The following CPQ variants were observed in gnomAD, a reference collection of about 807,000 sequenced individuals.
The protein encoded by CPQ is Ser-Met dipeptidase.
A neutral mutation model predicts 45.7 loss-of-function variants in CPQ; 37 were observed. The observed-to-expected ratio is 0.81, with a 90% CI of 0.62 to 1.07. The LOEUF (loss-of-function observed/expected upper bound fraction) is 1.07. CPQ is among the 50% of genes least tolerant of loss of function. The probability of loss-of-function intolerance (pLI) is 0.00; values close to 1 mark genes in which losing one functional copy is unlikely to be tolerated. For synonymous variants in CPQ, 186 were observed against 205.8 expected (o/e 0.90, Z 0.82); for missense variants, 537 against 572.9 (o/e 0.94, Z 0.64).
At chr8:96,885,266 A>G (rs1812285864) in intron 4 of CPQ, among the ~76,000 whole-genome samples, 1 of 152,174 alleles carries the variant, frequency 6.6e-6, no homozygotes, top group South Asian at 2.1e-4. Context: ...CTCATTTTTG[A>G]GATAATTAAC....
chr8:96,885,289 T>A (rs1036803954), intron 4 of CPQ, among the ~76,000 whole-genome samples: 2 of 152,194 alleles, frequency 1.3e-5, no homozygotes, highest in African/African-American at 2.4e-5. Context: ...ATTCCTTTGA[T>A]AATCATATTA....
At chr8:96,697,404 T>C (rs1469526570) in intron 1 of CPQ, among the ~76,000 whole-genome samples, 1 of 152,172 alleles carries the variant, frequency 6.6e-6, no homozygotes, top group Non-Finnish European at 1.5e-5. Context: ...GACAGATCTA[T>C]AGCTAGTATC....
At chr8:97,097,273 T>C (rs1465626788) in intron 7 of CPQ, among the ~76,000 whole-genome samples, 2 of 152,210 alleles carry the variant, frequency 1.3e-5, no homozygotes. Context: ...AAGTTGATAG[T>C]GGCCAACTCC....
chr8:96,806,320 G>C (rs563910920), intron 2 of CPQ, among the ~76,000 whole-genome samples: 2 of 152,150 alleles, frequency 1.3e-5, no homozygotes, highest in South Asian at 2.1e-4. Flanking sequence ...AAAATGTTTG[G>C]CAAAGCAGAA....
intron 7 of CPQ, among the ~76,000 whole-genome samples, chr8:97,097,720 T>C (rs1586539927): frequency 6.6e-6 from 1 of 152,328 alleles, no homozygotes; most frequent in African/African-American, 2.4e-5. Flanking sequence ...GTATCCAGAC[T>C]TCTATCTACT....
intron 7 of CPQ, among the ~76,000 whole-genome samples, chr8:97,075,159 A>C (rs1321212185): frequency 1.3e-5 from 2 of 152,164 alleles, no homozygotes; most frequent in Non-Finnish European, 2.9e-5. Flanking sequence ...GTTGAAAACA[A>C]TTGCTTTAGA....
chr8:96,801,468 A>T (rs1264655615), intron 2 of CPQ, among the ~76,000 whole-genome samples: 1 of 152,154 alleles, frequency 6.6e-6, no homozygotes, highest in Non-Finnish European at 1.5e-5. Context: ...ATTTTATATA[A>T]TGTAAATACA....
chr8:97,117,816 G>C (rs997328667), intron 7 of CPQ, among the ~76,000 whole-genome samples: 3 of 152,110 alleles, frequency 2.0e-5, no homozygotes, highest in Admixed American at 6.6e-5. Flanking sequence ...AAGAAACCTA[G>C]CTTCCCAAAG....
intron 2 of CPQ, among the ~76,000 whole-genome samples, chr8:96,828,592 C>A (rs572674518): frequency 7.0e-4 from 107 of 152,156 alleles, no homozygotes; most frequent in African/African-American, 2.5e-3. Context: ...GGATTTTCCT[C>A]TGTAAATACT....
chr8:96,912,789 C>T (rs1163698932), intron 4 of CPQ, among the ~76,000 whole-genome samples: 1 of 152,158 alleles, frequency 6.6e-6, no homozygotes, highest in Non-Finnish European at 1.5e-5. Flanking sequence ...GATCAAATCT[C>T]CCTCGGCTAC....
intron 1 of CPQ, among the ~76,000 whole-genome samples, chr8:96,696,392 GTAAC>G (rs1177189250): frequency 2.0e-5 from 3 of 151,828 alleles, no homozygotes; most frequent in Non-Finnish European, 2.9e-5. Flanking sequence ...GTGTACGTAT[GTAAC>G]TAACCTGCAC....
At chr8:96,817,026 T>A (rs1426965604) in intron 2 of CPQ, among the ~76,000 whole-genome samples, 1 of 152,194 alleles carries the variant, frequency 6.6e-6, no homozygotes, top group Non-Finnish European at 1.5e-5. Context: ...AAGTCATAGC[T>A]ACATTAGTTT....
intron 2 of CPQ, among the ~76,000 whole-genome samples, chr8:96,823,787 T>A (rs1041058126): frequency 1.3e-5 from 2 of 151,992 alleles, no homozygotes; most frequent in Non-Finnish European, 2.9e-5. Context: ...AGTAAAACAT[T>A]TAGAGCAGTG....
intron 1 of CPQ, among the ~76,000 whole-genome samples, chr8:96,741,296 C>T (rs9773354): frequency 0.091 from 13,869 of 152,040 alleles, 869 homozygotes; most frequent in African/African-American, 0.18. Context: ...TGGTAGTTTG[C>T]ATTTCTGTGG....
intron 5 of CPQ, among the ~76,000 whole-genome samples, chr8:96,981,055 A>G (rs189799553): frequency 9.8e-5 from 15 of 152,378 alleles, no homozygotes; most frequent in Non-Finnish European, 1.6e-4. Context: ...ATAATTTACT[A>G]CAAAATAAGT....
intron 1 of CPQ, among the ~76,000 whole-genome samples, chr8:96,704,244 C>A (rs1228138591): frequency 1.3e-5 from 2 of 152,122 alleles, no homozygotes; most frequent in Non-Finnish European, 2.9e-5. Context: ...ATTATCTTGC[C>A]TTTTTGCTCA....
intron 2 of CPQ, 52 bp downstream of exon 2, chr8:96,785,382 TG>T: frequency 7.2e-7 from 1 of 1,398,042 alleles, no homozygotes; most frequent in South Asian, 1.4e-5. Flanking sequence ...TAATGTCCCT[TG>T]GTGTAATTGA....
At chr8:97,073,412 C>T (rs187143108) in intron 7 of CPQ, among the ~76,000 whole-genome samples, 2 of 152,316 alleles carry the variant, frequency 1.3e-5, no homozygotes, top group Admixed American at 6.5e-5. Context: ...CGCAGCCCAG[C>T]GGCTCTATAT....
At chr8:96,940,710 A>G (rs1163596551) in intron 4 of CPQ, among the ~76,000 whole-genome samples, 5 of 152,202 alleles carry the variant, frequency 3.3e-5, no homozygotes, top group Non-Finnish European at 7.3e-5. Context: ...TCAATACTCT[A>G]AAATGTTTTC....
Sources: allele counts gnomAD v4.1 joint callset (sites outside exome capture counted in the v4.1 genomes callset), GRCh38; gene constraint gnomAD v4.1.1; transcripts MANE v1.5; gene names NCBI Gene and HGNC (gene_info 2026-07-23, HGNC 2026-07-21).